ZSWIM2: variants seen among roughly 807,000 people sequenced by gnomAD.
The protein encoded by ZSWIM2 is zinc finger SWIM-type containing 2.
Under a neutral mutation model 48.4 loss-of-function variants are expected in ZSWIM2, and 38 were observed. The observed-to-expected ratio is 0.79, with a 90% CI of 0.61 to 1.03. The LOEUF is 1.03. ZSWIM2 is among the 50% of genes least tolerant of loss of function. The probability of loss-of-function intolerance (pLI) is 0.00; values close to 1 mark genes in which losing one functional copy is unlikely to be tolerated. For synonymous variants in ZSWIM2, 240 were observed against 251.3 expected (o/e 0.96, Z 0.42); for missense variants, 776 against 730.2 (o/e 1.06, Z -0.72).
intron 7 of ZSWIM2, among the ~76,000 whole-genome samples, chr2:186,832,192 G>A (rs950074952): frequency 6.6e-6 from 1 of 151,130 alleles, no homozygotes; most frequent in African/African-American, 2.4e-5. Context: ...TTGGCTCACT[G>A]CAACCTCCGG....
At chr2:186,835,730 T>A (rs1399499742) in intron 5 of ZSWIM2, among the ~76,000 whole-genome samples, 1 of 152,144 alleles carries the variant, frequency 6.6e-6, no homozygotes, top group Non-Finnish European at 1.5e-5. Flanking sequence ...CTAAAGGAAA[T>A]GGAAATAGTT....
rs1691737266 is a variant in ZSWIM2, at chr2:186,833,320, T to C, written c.829-88A>G. 2.2e-5 allele frequency: 13 copies of C among 604,434 alleles called. No homozygotes were observed. The East Asian group carries it at 3.9e-4, about 18-fold the overall frequency. The allele number at this position is 604,434 out of a possible 1,614,324, so 37.4% of individuals were successfully genotyped here. On this transcript the variant is annotated intron_variant, in intron 6 of 8. Transcript: ENST00000295131. ...AAATTAGTTGGTTGCGTATCAATAA[T>C]GTGAACAATACACAATATTTTAAGC...
rs571181122 is a variant in ZSWIM2 at position 186,843,572 on chromosome 2, G to A, written c.283+1145C>T. Among the ~76,000 whole-genome samples, 40 of 151,456 alleles carry A rather than the reference G, an allele frequency of 2.6e-4. No homozygotes were observed. The South Asian group carries it at 6.9e-3, about 26-fold the overall frequency. ...GGGTAGATACATGGCAGAAGAGGAC[G>A]AGAGAGAAAAAAATCAGAGAGAATA... On this transcript the variant is annotated intron_variant, in intron 3 of 8. Coordinates refer to ENST00000295131, the MANE Select transcript of ZSWIM2 (RefSeq NM_182521.3).
chr2:186,834,611 A>G (rs2105817649), intron 5 of ZSWIM2, among the ~76,000 whole-genome samples: 1 of 152,176 alleles, frequency 6.6e-6, no homozygotes, highest in East Asian at 1.9e-4. Flanking sequence ...ATCCCCCAAT[A>G]ACCCCCATGG....
chr2:186,846,571 G>A (rs917114229), intron 2 of ZSWIM2, among the ~76,000 whole-genome samples: 10 of 151,626 alleles, frequency 6.6e-5, no homozygotes, highest in African/African-American at 1.9e-4. Flanking sequence ...AAAACAGTAC[G>A]GCGATTTCTC....
chr2:186,835,722 A>G (rs1691781971), intron 5 of ZSWIM2, among the ~76,000 whole-genome samples: 1 of 152,194 alleles, frequency 6.6e-6, no homozygotes. Flanking sequence ...ATGTGTTCCT[A>G]AAGGAAATGG....
At chr2:186,845,205 G>C (rs1411252526) in intron 2 of ZSWIM2, among the ~76,000 whole-genome samples, 1 of 151,250 alleles carries the variant, frequency 6.6e-6, no homozygotes, top group East Asian at 1.9e-4. Flanking sequence ...CAATAAAATG[G>C]AATGCGACTT....
At chr2:186,832,540 G>A (rs1382664848) in intron 7 of ZSWIM2, among the ~76,000 whole-genome samples, 1 of 151,974 alleles carries the variant, frequency 6.6e-6, no homozygotes, top group Non-Finnish European at 1.5e-5. Flanking sequence ...CTTCCAACAG[G>A]GTGAAGTAGA....
At chr2:186,834,104 T>C (rs551589406) in intron 5 of ZSWIM2, 74 bp from the exon 6 acceptor site, 2 of 1,092,392 alleles carry the variant, frequency 1.8e-6, no homozygotes, top group Non-Finnish European at 2.7e-6. Flanking sequence ...TGAAAAATTC[T>C]GACCAAAACT....
Position 186,837,545 on chromosome 2 carries a change from A to G in ZSWIM2, c.504T>C (p.Cys168=), listed in dbSNP as rs1347075511. Residue 168 remains cysteine, a synonymous_variant, in exon 5 of 9, where the codon TGT becomes TGC. Coordinates refer to ENST00000295131, the MANE Select transcript of ZSWIM2 (RefSeq NM_182521.3). ...TGCATTTTATATGAATACTATTGCC[A>G]CAGCCAAACCTATGAGAGATAAAAT... The part of the protein sequence containing the change: ...KLPVTFCRFG[C]GNSIHIKCMK... 6.2e-7 allele frequency: 1 copy of G among 1,609,156 alleles called. No individual in the cohort carries two copies. The highest frequency in any genetic ancestry group is 1.3e-5 in the African/African-American group (1 of 74,620).
At chr2:186,838,090 A>G (rs1691830114) in intron 4 of ZSWIM2, among the ~76,000 whole-genome samples, 1 of 151,542 alleles carries the variant, frequency 6.6e-6, no homozygotes, top group Non-Finnish European at 1.5e-5. Context: ...TTGTTAAATT[A>G]TCAGAAGAAA....
chr2:186,833,119 C>G lies in ZSWIM2; in HGVS notation c.941+1G>C. 1 of 1,418,410 alleles carries G rather than the reference C, an allele frequency of 7.1e-7. No individual in the cohort carries two copies. The highest frequency in any genetic ancestry group is 9.5e-7 in the Non-Finnish European group (1 of 1,048,952). The allele number at this position is 1,418,410 out of a possible 1,614,324, so 87.9% of individuals were successfully genotyped here. ...AATATAAAATTTACTGGGAACCTCA[C>G]CCTTGCTTTTCTTGAAAATGTGACA... On this transcript the variant is annotated splice_donor_variant, in intron 7 of 8. Transcript: ENST00000295131. LOFTEE classifies it high-confidence loss of function.
chr2:186,828,189 T>C lies in ZSWIM2; in HGVS notation c.1697A>G (p.Asp566Gly), dbSNP rs1691631626. ...KKTPATKIRE[D>G]NKRSTLLPED... is the part of the protein sequence containing the mutation. ...TGGAAGTAAAGTTGATCTCTTGTTG[T>C]CCTCTCTTATTTTAGTGGCAGGAGT... Residue 566 changes from aspartate (D) to glycine (G), a missense_variant, in exon 9 of 9, where the codon GAC becomes GGC. By Grantham distance (94) the Asp-to-Gly change is moderately conservative. Transcript: ENST00000295131. 2 of 1,613,602 alleles carry C rather than the reference T, an allele frequency of 1.2e-6. No homozygotes were observed. Among genetic ancestry groups the C allele is most frequent in the Non-Finnish European group, 1.7e-6 (2 of 1,179,750 alleles).
chr2:186,837,607 C>G (rs921209486), intron 4 of ZSWIM2, 53 bp from the exon 5 acceptor site: 115 of 918,492 alleles, frequency 1.3e-4, no homozygotes, highest in Non-Finnish European at 1.4e-4. Flanking sequence ...TTTTACATAT[C>G]CATTGTATAT....
At chr2:186,828,859 C>A in intron 8 of ZSWIM2, 69 bp from the exon 9 acceptor site, 2 of 929,344 alleles carry the variant, frequency 2.2e-6, no homozygotes, top group Non-Finnish European at 1.4e-6. Flanking sequence ...AGTAAATTTC[C>A]CCCAGTTTCA....
chr2:186,833,273 G>T, intron 6 of ZSWIM2, 41 bp from the exon 7 acceptor site: 1 of 982,968 alleles, frequency 1.0e-6, no homozygotes, highest in Non-Finnish European at 1.5e-6. Flanking sequence ...CAAAGTCGTG[G>T]ATATTTTCAT....
At chr2:186,843,794 A>G (rs1034867401) in intron 3 of ZSWIM2, among the ~76,000 whole-genome samples, 4 of 151,520 alleles carry the variant, frequency 2.6e-5, no homozygotes, top group Non-Finnish European at 5.9e-5. Flanking sequence ...TAACAGTTGG[A>G]GACATGGAAA....
chr2:186,835,380 A>C (rs1216690079), intron 5 of ZSWIM2, among the ~76,000 whole-genome samples: 1 of 152,164 alleles, frequency 6.6e-6, no homozygotes, highest in Non-Finnish European at 1.5e-5. Context: ...CTTATTATTC[A>C]AGTTATCAAA....
At chr2:186,844,684 A>G in intron 3 of ZSWIM2, 33 bp downstream of exon 3, 1 of 1,534,480 alleles carries the variant, frequency 6.5e-7, no homozygotes, top group Non-Finnish European at 8.7e-7. Context: ...AAAATAAAAA[A>G]AAAACACAAA....
Sources: gnomAD v4.1 joint callset for allele counts (sites outside exome capture counted in the v4.1 genomes callset) on GRCh38, gnomAD v4.1.1 for gene constraint, MANE v1.5 for transcripts, NCBI Gene and HGNC (gene_info 2026-07-23, HGNC 2026-07-21) for gene names.